PDE3A: variants seen among roughly 807,000 people sequenced by gnomAD.
PDE3A encodes cGMP-inhibited 3',5'-cyclic phosphodiesterase 3A.
Under a neutral mutation model 98.3 loss-of-function variants are expected in PDE3A, and 43 were observed. The observed-to-expected ratio is 0.44, with a 90% CI of 0.34 to 0.56. The LOEUF (loss-of-function observed/expected upper bound fraction) is 0.56, where lower values mean the gene tolerates loss of function less well. Ranked by LOEUF, PDE3A falls within the 20% of genes least tolerant of loss-of-function variation. PDE3A has a pLI of 0.01. For synonymous variants in PDE3A, 663 were observed against 567.9 expected (o/e 1.17, Z -2.38); for missense variants, 1,427 against 1,440.7 (o/e 0.99, Z 0.15).
In PDE3A at chr12:20,586,725, G is replaced by A. The variant is rs897827238; in HGVS notation, c.1012-26718G>A. ...CTTTTTTTAAACAAAAAGTGAAAAA[G>A]CAAAACTTAGGAAAGACGAAGGCTT... On this transcript the variant is annotated intron_variant, in intron 2 of 15. Transcript: ENST00000359062. Among the ~76,000 whole-genome samples the A allele has an allele frequency of 1.2e-4, 19 of 152,260 alleles. No individual in the cohort carries two copies. The South Asian group carries it at 3.5e-3, about 28-fold the overall frequency.
chr12:20,438,634 A>C (rs1330624674), intron 1 of PDE3A, among the ~76,000 whole-genome samples: 4 of 152,296 alleles, frequency 2.6e-5, no homozygotes, highest in African/African-American at 9.6e-5. Flanking sequence ...ACTTGCTATG[A>C]TGTGAGTTAG....
intron 1 of PDE3A, among the ~76,000 whole-genome samples, chr12:20,410,384 G>A (rs1944312004): frequency 6.6e-6 from 1 of 152,160 alleles, no homozygotes; most frequent in Non-Finnish European, 1.5e-5. Context: ...GCTTGAAGCA[G>A]AGAAAGTCAA....
intron 1 of PDE3A, among the ~76,000 whole-genome samples, chr12:20,473,520 C>T (rs1393147551): frequency 6.6e-6 from 1 of 152,134 alleles, no homozygotes; most frequent in East Asian, 1.9e-4. Context: ...CCCGTTACTG[C>T]TTTCAGAGTG....
chr12:20,679,767 A>G (rs1945722599), intron 15 of PDE3A, among the ~76,000 whole-genome samples: 1 of 151,646 alleles, frequency 6.6e-6, no homozygotes, highest in Non-Finnish European at 1.5e-5. Flanking sequence ...CCAAATATTA[A>G]ATACTGTCCC....
chr12:20,430,221 G>A (rs1262455037), intron 1 of PDE3A, among the ~76,000 whole-genome samples: 1 of 152,064 alleles, frequency 6.6e-6, no homozygotes, highest in Non-Finnish European at 1.5e-5. Flanking sequence ...TTGTGGCTCA[G>A]CATTGTTGTT....
rs186839592 is a variant in PDE3A at position 20,677,302 on chromosome 12, T to C, written c.3185-2728T>C. 2.0e-5 allele frequency among the ~76,000 whole-genome samples: 3 copies of C among 152,310 alleles called. No individual in the cohort carries two copies. In the East Asian group the frequency reaches 5.8e-4, roughly 29 times the overall value. Reference sequence around the variant, plus strand: ...AGGCTTTAATATTGTTATTTTGAATTATCTGGGATTTCAAAAAATTCTTAT... The same window carrying C: ...AGGCTTTAATATTGTTATTTTGAATCATCTGGGATTTCAAAAAATTCTTAT... On this transcript the variant is annotated intron_variant, in intron 15 of 15. Transcript: ENST00000359062.
rs189207151 is a variant in PDE3A at position 20,468,344 on chromosome 12, G to A, written c.961-88316G>A. ...TTAGAATGGCCAATGATTATGGTCT[G>A]TACTTGCCTGTGATCTTGAGCAAGT... is the stretch of plus-strand genomic sequence containing the variant. On this transcript the variant is annotated intron_variant, in intron 1 of 15. Transcript: ENST00000359062. 4.1e-3 allele frequency among the ~76,000 whole-genome samples: 620 copies of A among 152,272 alleles called. 3 individuals are homozygous for A. The highest frequency in any genetic ancestry group is 0.014 in the Admixed American group (211 of 15,292).
chr12:20,470,998 A>G (rs1945429567), intron 1 of PDE3A, among the ~76,000 whole-genome samples: 1 of 152,058 alleles, frequency 6.6e-6, no homozygotes, highest in South Asian at 2.1e-4. Context: ...TCCAAGGAGC[A>G]AGCCGTCATT....
intron 2 of PDE3A, among the ~76,000 whole-genome samples, chr12:20,570,437 A>AAAAAAAAAAAAAAAAAAAAAC (rs1942775004): frequency 7.1e-6 from 1 of 141,400 alleles, no homozygotes; most frequent in African/African-American, 2.6e-5. Flanking sequence ...AAAAAAAAAA[A>AAAAAAAAAAAAAAAAAAAAAC]AGGTGTAAAG....
At chr12:20,512,756 G>A (rs528218984) in intron 1 of PDE3A, among the ~76,000 whole-genome samples, 29 of 152,208 alleles carry the variant, frequency 1.9e-4, no homozygotes, top group South Asian at 1.7e-3. Context: ...ACTTCGTTAC[G>A]TTAGATAGTG....
intron 1 of PDE3A, among the ~76,000 whole-genome samples, chr12:20,480,743 G>A (rs1427546682): frequency 2.0e-5 from 3 of 152,192 alleles, no homozygotes; most frequent in Admixed American, 6.5e-5. Context: ...CCATAGTAGG[G>A]CAGTGTGAAA....
In PDE3A at chr12:20,613,456, G is replaced by A. The variant is rs374925358; in HGVS notation, c.1025G>A (p.Ser342Asn). ...TTTGTGTCTCAGTCTTCAGGAACCA[G>A]TATTACTGTGGACATCGCCGTCATG... is the stretch of plus-strand genomic sequence containing the variant. ...GPRGSQSSGTSITVDIAVMGE... is the reference protein window; with the variant it reads ...GPRGSQSSGTNITVDIAVMGE... The change falls in exon 3 of 16, where the codon AGT becomes AAT. Residue 342 changes from serine (S) to asparagine (N), a missense_variant. Physicochemically the swap from Ser to Asn is conservative, Grantham distance 46. This residue lies in a region of PDE3A where 1,012 missense variants were observed against 886.5 expected (regional missense o/e 1.14). Transcript: ENST00000359062. 7 of 1,613,992 alleles carry A rather than the reference G, an allele frequency of 4.3e-6. No individual in the cohort carries two copies. In the African/African-American group the frequency reaches 9.3e-5, roughly 22 times the overall value.
intron 1 of PDE3A, among the ~76,000 whole-genome samples, chr12:20,521,135 G>GTTT (rs11289147): frequency 7.9e-6 from 1 of 127,112 alleles, no homozygotes; most frequent in Non-Finnish European, 1.7e-5. Flanking sequence ...CTCCTGGAGT[G>GTTT]TTTTTTTTTT....
intron 1 of PDE3A, among the ~76,000 whole-genome samples, chr12:20,489,088 G>A (rs1945783555): frequency 6.6e-6 from 1 of 152,160 alleles, no homozygotes; most frequent in African/African-American, 2.4e-5. Flanking sequence ...TCCAAAATCA[G>A]TAACACACTC....
chr12:20,489,298 G>A lies in PDE3A; in HGVS notation c.961-67362G>A, dbSNP rs1945787780. On this transcript the variant is annotated intron_variant, in intron 1 of 15. Coordinates refer to ENST00000359062, the MANE Select transcript of PDE3A (RefSeq NM_000921.5). ...ATACAGAAAATGCCTAGTGAAGACT[G>A]AGTCTGGCTGTGATTTACAAAGTTG... 6.6e-5 allele frequency among the ~76,000 whole-genome samples: 10 copies of A among 152,184 alleles called. No homozygotes were observed. The South Asian group carries it at 2.1e-3, about 32-fold the overall frequency.
intron 15 of PDE3A, among the ~76,000 whole-genome samples, chr12:20,666,265 A>G (rs1055297968): frequency 2.0e-5 from 3 of 152,112 alleles, no homozygotes; most frequent in African/African-American, 7.2e-5. Context: ...GCACCCGGCC[A>G]TATTTATCAT....
intron 1 of PDE3A, among the ~76,000 whole-genome samples, chr12:20,398,957 A>G (rs955287354): frequency 1.7e-4 from 26 of 152,282 alleles, no homozygotes; most frequent in African/African-American, 5.8e-4. Context: ...CTCTATGCAC[A>G]TTTAAACAAC....
chr12:20,665,948 ATT>A (rs1945297078), intron 15 of PDE3A, among the ~76,000 whole-genome samples: 1 of 132,644 alleles, frequency 7.5e-6, no homozygotes, highest in Non-Finnish European at 1.6e-5. Flanking sequence ...CACCTCGAGT[ATT>A]TGTCATTTCT....
intron 2 of PDE3A, 134 bp downstream of exon 2, chr12:20,556,844 A>T: frequency 1.4e-6 from 1 of 712,094 alleles, no homozygotes; most frequent in Non-Finnish European, 2.5e-6. Flanking sequence ...TTTTTATTTA[A>T]GTTAACTATA....
Sources: allele counts gnomAD v4.1 joint callset (sites outside exome capture counted in the v4.1 genomes callset), GRCh38; gene constraint gnomAD v4.1.1; regional missense constraint gnomAD v4.1.1; transcripts MANE v1.5; gene names NCBI Gene and HGNC (gene_info 2026-07-23, HGNC 2026-07-21).